The following ABR variants were observed in gnomAD, a reference collection of about 807,000 sequenced individuals.
ABR encodes the protein active breakpoint cluster region-related protein.
ABR carries 35 observed loss-of-function variants against 107.2 expected under a neutral mutation model. That is an observed-to-expected ratio of 0.33 (90% CI 0.25 to 0.43). The LOEUF is 0.43. Ranked by LOEUF, ABR falls within the 20% of genes least tolerant of loss-of-function variation. ABR has a pLI of 1.00. For missense variants in ABR, 815 were observed against 1,115.2 expected, an observed-to-expected ratio of 0.73 and a Z score of 3.83; for synonymous variants, 498 against 462.0, an observed-to-expected ratio of 1.08 and a Z score of -1.00.
At chr17:1,090,274 G>C (rs539476734) in intron 4 of ABR, among the ~76,000 whole-genome samples, 1 of 152,186 alleles carries the variant, frequency 6.6e-6, no homozygotes, top group Non-Finnish European at 1.5e-5. Flanking sequence ...GGCTGGACAC[G>C]GGTCAGTGTG....
intron 1 of ABR, among the ~76,000 whole-genome samples, chr17:1,224,429 C>T (rs911719405): frequency 6.6e-6 from 1 of 152,184 alleles, no homozygotes; most frequent in African/African-American, 2.4e-5. Context: ...GCTTCTGGGC[C>T]TCTGTAGGTG....
At chr17:1,133,796 C>T (rs2039943340) in intron 1 of ABR, among the ~76,000 whole-genome samples, 1 of 152,184 alleles carries the variant, frequency 6.6e-6, no homozygotes, top group Admixed American at 6.6e-5. Flanking sequence ...GCAAGATACC[C>T]GCTTTCTCTG....
chr17:1,212,761 C>T (rs1237209528), intron 1 of ABR, among the ~76,000 whole-genome samples: 3 of 151,984 alleles, frequency 2.0e-5, no homozygotes, highest in East Asian at 1.9e-4. Flanking sequence ...TGGTGGCGGA[C>T]GCCTGTAATC....
At chr17:1,140,963 G>C (rs1224820029) in intron 1 of ABR, among the ~76,000 whole-genome samples, 1 of 152,028 alleles carries the variant, frequency 6.6e-6, no homozygotes, top group Non-Finnish European at 1.5e-5. Flanking sequence ...GACAGAGTGA[G>C]ACTGTCTCAA....
intron 1 of ABR, among the ~76,000 whole-genome samples, chr17:1,143,630 G>A (rs1167977384): frequency 1.3e-5 from 2 of 152,128 alleles, no homozygotes; most frequent in Non-Finnish European, 2.9e-5. Context: ...ACCATGGGCG[G>A]GTGTTATGGC....
At chr17:1,041,318 A>G (rs2030432807) in intron 16 of ABR, among the ~76,000 whole-genome samples, 1 of 152,260 alleles carries the variant, frequency 6.6e-6, no homozygotes, top group Non-Finnish European at 1.5e-5. Flanking sequence ...AAACAGAAAC[A>G]AGTGAGTGAA....
chr17:1,107,477 A>G (rs995386721), intron 2 of ABR, among the ~76,000 whole-genome samples: 2 of 152,262 alleles, frequency 1.3e-5, no homozygotes, highest in African/African-American at 4.8e-5. Context: ...GCATCTGAGC[A>G]GAATGAAATA....
intron 2 of ABR, among the ~76,000 whole-genome samples, chr17:1,119,712 C>T (rs187255383): frequency 2.6e-5 from 4 of 152,308 alleles, no homozygotes; most frequent in African/African-American, 4.8e-5. Flanking sequence ...CACAAGTGAC[C>T]GTGCACACCT....
At chr17:1,012,055 GCA>G (rs368923011) in intron 18 of ABR, 70 bp from the exon 19 acceptor site, 27 of 1,594,932 alleles carry the variant, frequency 1.7e-5, no homozygotes, top group South Asian at 3.3e-5. Flanking sequence ...CCCCCACCCA[GCA>G]CACACACACC....
rs567495269 is a variant in ABR, at chr17:1,004,039, G to A, written c.*2041C>T. 2.0e-4 allele frequency: 30 copies of A among 152,360 alleles called. 1 individual carries two copies. The highest frequency in any genetic ancestry group is 7.2e-4 in the African/African-American group (30 of 41,568). 9.4% of individuals were successfully genotyped at this position (152,360 alleles called of 1,614,324 possible). On this transcript the variant is annotated 3_prime_UTR_variant, in exon 23 of 23. Transcript: ENST00000302538. ...TAGCCTGTTCTCACGTTGCCTCAGCGAGCTTGGGGCTGTGGGGCTCCCTGA... is the reference window on the plus strand; with the variant it reads ...TAGCCTGTTCTCACGTTGCCTCAGCAAGCTTGGGGCTGTGGGGCTCCCTGA...
Position 1,221,251 on chromosome 17 carries a change from T to A in ABR, c.838+7542A>T, listed in dbSNP as rs559155749. On this transcript the variant is annotated intron_variant, in intron 1 of 22. Transcript: ENST00000574139. The stretch of plus-strand genomic sequence containing the variant: ...AGCCTCTCTTATACCTCGAGGTGAC[T>A]AAGGAGATAAAAACAGAAACTGTCA... Among the ~76,000 whole-genome samples, 10 of 152,276 alleles carry A rather than the reference T, an allele frequency of 6.6e-5. 1 individual carries two copies. The South Asian group carries it at 1.9e-3, about 28-fold the overall frequency.
intron 1 of ABR, among the ~76,000 whole-genome samples, chr17:1,146,260 G>GAGAGACAC (rs1296117782): frequency 7.1e-6 from 1 of 140,108 alleles, no homozygotes; most frequent in Admixed American, 7.3e-5. Flanking sequence ...GGCACATGGA[G>GAGAGACAC]ACACACACAC....
Position 1,090,506 on chromosome 17 carries a change from G to A in ABR, c.531+1159C>T, listed in dbSNP as rs564766986. ...AGAGGAAAAGGCGGCTGTGAGCAAC[G>A]GCCAAAAAGTGGAGTCCACAGGACA... On this transcript the variant is annotated intron_variant, in intron 4 of 22. Coordinates refer to ENST00000302538, the MANE Select transcript of ABR (RefSeq NM_021962.5). 9.8e-5 allele frequency among the ~76,000 whole-genome samples: 15 copies of A among 152,288 alleles called. No individual in the cohort carries two copies. In the South Asian group the frequency reaches 2.1e-3, roughly 21 times the overall value.
intron 2 of ABR, among the ~76,000 whole-genome samples, chr17:1,102,796 T>C (rs1021377331): frequency 7.9e-5 from 12 of 152,154 alleles, no homozygotes; most frequent in South Asian, 2.1e-4. Context: ...CTGCAACCTC[T>C]GCCTCCCAGG....
At position 1,071,640 on chromosome 17, in the gene ABR, G is replaced by C. The variant is rs901647802; in HGVS notation, c.894+974C>G. 2.6e-5 allele frequency among the ~76,000 whole-genome samples: 4 copies of C among 152,236 alleles called. No homozygotes were observed. The highest frequency in any genetic ancestry group is 2.0e-4 in the Admixed American group (3 of 15,282). ...TCCAACGCCAGCCTTTCCTGCTGTG[G>C]GCTCCCCGCAAGCCACTGCGTGTGC... On this transcript the variant is annotated intron_variant, in intron 8 of 22. Transcript: ENST00000302538. The surrounding 1 kb of genome is among the most constrained non-coding windows in gnomAD (Gnocchi z 5.1).
At chr17:1,088,379 C>G (rs760960644) in intron 4 of ABR, among the ~76,000 whole-genome samples, 3 of 151,724 alleles carry the variant, frequency 2.0e-5, no homozygotes, top group Non-Finnish European at 2.9e-5. Context: ...CCGGAGGGAG[C>G]AGGGGGGGGT....
chr17:1,220,599 C>G (rs1465094274), intron 1 of ABR, among the ~76,000 whole-genome samples: 1 of 152,110 alleles, frequency 6.6e-6, no homozygotes, highest in Non-Finnish European at 1.5e-5. Context: ...CCAAAACAGC[C>G]AAATCTGCCC....
At chr17:1,022,727 G>T (rs994265281) in intron 16 of ABR, among the ~76,000 whole-genome samples, 3 of 152,202 alleles carry the variant, frequency 2.0e-5, no homozygotes, top group Admixed American at 6.5e-5. Flanking sequence ...GGTCAGCCAG[G>T]CTCCCTTGTA....
intron 1 of ABR, among the ~76,000 whole-genome samples, chr17:1,147,946 G>A (rs1332652847): frequency 6.6e-6 from 1 of 152,182 alleles, no homozygotes; most frequent in Non-Finnish European, 1.5e-5. Flanking sequence ...TAAGTGCCAG[G>A]AGCACCAACG....
Sources: allele counts gnomAD v4.1 joint callset (sites outside exome capture counted in the v4.1 genomes callset), GRCh38; gene constraint gnomAD v4.1.1; non-coding constraint Gnocchi (gnomAD v3.1); transcripts MANE v1.5; gene names NCBI Gene and HGNC (gene_info 2026-07-23, HGNC 2026-07-21).